The following EIF4E2 variants were observed in gnomAD, a reference collection of about 807,000 sequenced individuals.
The protein encoded by EIF4E2 is eukaryotic translation initiation factor 4E type 2.
EIF4E2 carries 13 observed loss-of-function variants against 34.2 expected under a neutral mutation model. The ratio of observed to expected loss-of-function variants is 0.38; its 90% CI spans 0.25 to 0.60. EIF4E2 has a LOEUF of 0.60. EIF4E2 is among the 20% of genes least tolerant of loss of function. The pLI is 0.62. For missense variants in EIF4E2, 222 were observed against 315.1 expected (o/e 0.70, Z 2.24); for synonymous variants, 100 against 106.6 (o/e 0.94, Z 0.38).
intron 3 of EIF4E2, among the ~76,000 whole-genome samples, chr2:232,560,502 G>C (rs1446942814): frequency 6.6e-6 from 1 of 152,154 alleles, no homozygotes. Context: ...TTGGCTGGGC[G>C]TGGTGGCTCA....
chr2:232,551,407 TAC>T (rs2106230310), intron 1 of EIF4E2, among the ~76,000 whole-genome samples: 1 of 152,258 alleles, frequency 6.6e-6, no homozygotes, highest in African/African-American at 2.4e-5. Flanking sequence ...AGTTTGGAGG[TAC>T]AGAGAGAAAA....
At chr2:232,557,826 C>G (rs1460167864) in intron 2 of EIF4E2, 58 bp from the exon 3 acceptor site, 2 of 1,580,882 alleles carry the variant, frequency 1.3e-6, no homozygotes, top group South Asian at 1.2e-5. Context: ...AAAATGTTCT[C>G]TCAGTCTCAG....
At chr2:232,557,835 A>G in intron 2 of EIF4E2, 49 bp from the exon 3 acceptor site, 1 of 1,598,496 alleles carries the variant, frequency 6.3e-7, no homozygotes, top group South Asian at 1.1e-5. Flanking sequence ...TCTCAGTCTC[A>G]GACCACGTGA....
At chr2:232,555,230 T>C (rs1182953577) in intron 1 of EIF4E2, among the ~76,000 whole-genome samples, 2 of 152,234 alleles carry the variant, frequency 1.3e-5, no homozygotes, top group Non-Finnish European at 1.5e-5. Context: ...ACTGGAGCAT[T>C]TCTAGTACCA....
chr2:232,575,100 A>C (rs1407645238), intron 6 of EIF4E2, among the ~76,000 whole-genome samples: 1 of 152,192 alleles, frequency 6.6e-6, no homozygotes, highest in Non-Finnish European at 1.5e-5. Context: ...CTGGACATCA[A>C]ACTACCCCTG....
chr2:232,563,332 G>A (rs186330736), intron 3 of EIF4E2, among the ~76,000 whole-genome samples: 111 of 151,994 alleles, frequency 7.3e-4, no homozygotes, highest in Non-Finnish European at 1.2e-3. Flanking sequence ...TTGACACCAG[G>A]AGTTAGAGGC....
At chr2:232,567,648 A>G (rs1692981682) in intron 6 of EIF4E2, 6 of 1,051,844 alleles carry the variant, frequency 5.7e-6, no homozygotes, top group African/African-American at 1.7e-5. Flanking sequence ...GATACTGACT[A>G]CTTATCAGGA....
At position 232,581,114 on chromosome 2, in the gene EIF4E2, C is replaced by T. The variant is rs1435075736; in HGVS notation, c.*171C>T. 1.3e-6 allele frequency: 1 copy of T among 745,070 alleles called. No homozygotes were observed. The highest frequency in any genetic ancestry group is 2.7e-5 in the East Asian group (1 of 37,226). The allele number at this position is 745,070 out of a possible 1,614,324, so 46.2% of individuals were successfully genotyped here. ...GATTCCGCTAGACACCCTCCAGCAT[C>T]GCTGACTTTATAAAGCGGAAAAACG... On this transcript the variant is annotated 3_prime_UTR_variant, in exon 7 of 7. Transcript: ENST00000409098. This position sits in a 1 kb window ranked among gnomAD's most constrained non-coding sequence, Gnocchi z 5.2.
chr2:232,576,517 T>C (rs887750523), intron 6 of EIF4E2, among the ~76,000 whole-genome samples: 1 of 152,042 alleles, frequency 6.6e-6, no homozygotes, highest in African/African-American at 2.4e-5. Context: ...TTTTATACAG[T>C]GTGGGAGGCA....
intron 1 of EIF4E2, chr2:232,551,343 A>T: frequency 2.1e-6 from 1 of 467,540 alleles, no homozygotes; most frequent in Non-Finnish European, 4.4e-6. Flanking sequence ...CCAAGACCTA[A>T]GTATACTTGT....
rs577912176 is a variant in EIF4E2 at position 232,581,057 on chromosome 2, C to T, written c.*114C>T. 27 of 1,058,494 alleles carry T rather than the reference C, an allele frequency of 2.6e-5. No homozygotes were observed. Among genetic ancestry groups the T allele is most frequent in the Middle Eastern group, 4.0e-4 (2 of 5,050 alleles). 65.6% of individuals were successfully genotyped at this position (1,058,494 alleles called of 1,614,324 possible). On this transcript the variant is annotated 3_prime_UTR_variant, in exon 7 of 7. Transcript: ENST00000409098. This position sits in a 1 kb window ranked among gnomAD's most constrained non-coding sequence, Gnocchi z 5.2. ...ACTGAAGGGACGTCCCTGAGCCGTG[C>T]GCTCTCCTTTTGCACTCATTCCTGG...
chr2:232,565,328 C>T (rs1321626181), intron 4 of EIF4E2, among the ~76,000 whole-genome samples: 3 of 152,150 alleles, frequency 2.0e-5, no homozygotes, highest in Non-Finnish European at 4.4e-5. Context: ...GACTCACTCC[C>T]GTTGACCTTA....
chr2:232,567,130 C>T lies in EIF4E2; in HGVS notation c.581C>T (p.Ala194Val). The change falls in exon 6 of 7, where the codon GCC (alanine) becomes GTC (valine). Residue 194 changes from alanine (A) to valine (V), a missense_variant. Physicochemically the swap from Ala to Val is moderately conservative, Grantham distance 64. Coordinates refer to ENST00000258416, the MANE Select transcript of EIF4E2 (RefSeq NM_004846.4). ...ACTGCCAGTGACCAAGCAACCACAG[C>T]CCGAATCCGGGACACACTTCGGCGA... Reference protein sequence around the residue: ...NKTASDQATTARIRDTLRRVL... With the variant: ...NKTASDQATTVRIRDTLRRVL... 1 of 1,614,190 alleles carries T rather than the reference C, an allele frequency of 6.2e-7. No homozygotes were observed. Among genetic ancestry groups the T allele is most frequent in the Non-Finnish European group, 8.5e-7 (1 of 1,180,024 alleles).
In EIF4E2 at chr2:232,576,065, G is replaced by A. The variant is rs536419688; in HGVS notation, c.666-4839G>A. On this transcript the variant is annotated intron_variant, in intron 6 of 6. Transcript: ENST00000409098. ...CTAAAAATACAAAAATTAGCTGGGC[G>A]TGGTGGCACACACCTGTTGTCCCAG... Among the ~76,000 whole-genome samples the A allele has an allele frequency of 7.4e-4, 112 of 152,090 alleles. 1 individual carries two copies. The highest frequency in any genetic ancestry group is 2.2e-3 in the African/African-American group (91 of 41,486).
intron 6 of EIF4E2, among the ~76,000 whole-genome samples, chr2:232,579,311 T>C (rs1406998668): frequency 6.6e-6 from 1 of 152,238 alleles, no homozygotes; most frequent in Non-Finnish European, 1.5e-5. Context: ...GACCACCCTA[T>C]TAACTTTGTT....
chr2:232,582,753 G>GGAGT (rs1693389375), exon 7 of EIF4E2: 1 of 152,260 alleles, frequency 6.6e-6, no homozygotes, highest in South Asian at 2.1e-4. Flanking sequence ...AGTGTGCTTA[G>GGAGT]GAGTGAGTGA....
intron 6 of EIF4E2, chr2:232,568,451 G>A (rs1693008834): frequency 1.0e-6 from 1 of 984,954 alleles, no homozygotes; most frequent in African/African-American, 1.8e-5. Flanking sequence ...GCTTTACTCT[G>A]GGCACATTTT....
intron 2 of EIF4E2, 81 bp downstream of exon 2, chr2:232,556,611 A>ATCTT: frequency 6.9e-6 from 7 of 1,020,312 alleles, no homozygotes; most frequent in Non-Finnish European, 1.0e-5. Context: ...TCTGGAAGAT[A>ATCTT]CCAGATTAAC....
intron 3 of EIF4E2, among the ~76,000 whole-genome samples, chr2:232,561,976 A>G (rs548890121): frequency 5.3e-4 from 81 of 152,218 alleles, no homozygotes; most frequent in African/African-American, 1.8e-3. Context: ...GCACTCAGGG[A>G]GGCCAAGGAG....
Sources: allele counts gnomAD v4.1 joint callset (sites outside exome capture counted in the v4.1 genomes callset), GRCh38; gene constraint gnomAD v4.1.1; non-coding constraint Gnocchi (gnomAD v3.1); transcripts MANE v1.5; gene names NCBI Gene and HGNC (gene_info 2026-07-23, HGNC 2026-07-21).